EYS: variants seen among roughly 807,000 people sequenced by gnomAD.
EYS encodes EGF-like photoreceptor maintenance factor.
EYS carries 250 observed loss-of-function variants against 282.1 expected under a neutral mutation model. The ratio of observed to expected loss-of-function variants is 0.89; its 90% confidence interval spans 0.80 to 0.98. The LOEUF is 0.98. EYS is among the 50% of genes least tolerant of loss of function. EYS has a pLI of 0.00. For synonymous variants in EYS, 1,355 were observed against 1,282.9 expected (o/e 1.06, Z -1.20); for missense variants, 4,016 against 3,709.0 (o/e 1.08, Z -2.15).
chr6:65,252,530 G>A (rs771237179), intron 12 of EYS, among the ~76,000 whole-genome samples: 5 of 151,874 alleles, frequency 3.3e-5, no homozygotes, highest in East Asian at 1.9e-4. Flanking sequence ...AAGATCCAGC[G>A]TCTCATATTT....
At chr6:64,752,074 C>T (rs371150053) in intron 22 of EYS, among the ~76,000 whole-genome samples, 1 of 151,914 alleles carries the variant, frequency 6.6e-6, no homozygotes, top group Non-Finnish European at 1.5e-5. Flanking sequence ...AAACAACCAA[C>T]CAAACAAACA....
intron 12 of EYS, among the ~76,000 whole-genome samples, chr6:65,208,807 G>A (rs1428288270): frequency 1.1e-5 from 1 of 87,948 alleles, no homozygotes; most frequent in Non-Finnish European, 2.6e-5. Context: ...TATGGTTGGA[G>A]GGGATTGATG....
intron 26 of EYS, among the ~76,000 whole-genome samples, chr6:64,477,842 A>G (rs769356593): frequency 6.6e-6 from 1 of 152,142 alleles, no homozygotes; most frequent in Non-Finnish European, 1.5e-5. Flanking sequence ...GCAATGCAGA[A>G]CATCAAAAAT....
chr6:65,659,640 A>G (rs1399483121), intron 1 of EYS, among the ~76,000 whole-genome samples: 1 of 151,720 alleles, frequency 6.6e-6, no homozygotes, highest in Non-Finnish European at 1.5e-5. Flanking sequence ...GAGATAATAA[A>G]TATCCTTAGA....
chr6:64,783,774 C>G lies in EYS; in HGVS notation c.3443+29604G>C, dbSNP rs865839079. On this transcript the variant is annotated intron_variant, in intron 22 of 42. Transcript: ENST00000503581. ...GAACTTGAAGACTGTCAGCAAATTT[C>G]AAAGGCTTTAATCATCCAAATTTTT... 1.8e-4 allele frequency among the ~76,000 whole-genome samples: 27 copies of G among 152,216 alleles called. 1 individual carries two copies. The highest frequency in any genetic ancestry group is 3.3e-4 in the Admixed American group (5 of 15,296).
chr6:64,448,351 T>C (rs4357115), intron 26 of EYS, among the ~76,000 whole-genome samples: 61,950 of 152,050 alleles, frequency 0.41, 13,559 homozygotes, highest in African/African-American at 0.58. Flanking sequence ...GTAAACAAAG[T>C]GGCCTGGAAG....
At chr6:64,221,072 T>G (rs1231280343) in intron 31 of EYS, among the ~76,000 whole-genome samples, 1 of 152,176 alleles carries the variant, frequency 6.6e-6, no homozygotes, top group South Asian at 2.1e-4. Context: ...ATTCACAGAA[T>G]TGGTGTGTGG....
chr6:63,831,038 G>A (rs964217849), intron 36 of EYS, among the ~76,000 whole-genome samples: 1 of 152,180 alleles, frequency 6.6e-6, no homozygotes, highest in Non-Finnish European at 1.5e-5. Context: ...TCACCACCAG[G>A]CCTGCCTTAC....
At chr6:64,081,480 C>T (rs930950129) in intron 32 of EYS, among the ~76,000 whole-genome samples, 1 of 151,982 alleles carries the variant, frequency 6.6e-6, no homozygotes, top group African/African-American at 2.4e-5. Flanking sequence ...TCAAATGAAC[C>T]CCAGCTTTGG....
chr6:64,333,017 GT>G (rs1185331078), intron 29 of EYS, among the ~76,000 whole-genome samples: 1 of 152,108 alleles, frequency 6.6e-6, no homozygotes, highest in Non-Finnish European at 1.5e-5. Flanking sequence ...TGTCATCACT[GT>G]ATAGTAGAAG....
intron 22 of EYS, among the ~76,000 whole-genome samples, chr6:64,769,018 C>T (rs928778021): frequency 2.0e-5 from 3 of 152,096 alleles, no homozygotes. Context: ...GTTTGCTACA[C>T]TCCAAGCCAA....
At chr6:64,496,803 A>T (rs1365789671) in intron 26 of EYS, among the ~76,000 whole-genome samples, 1 of 151,960 alleles carries the variant, frequency 6.6e-6, no homozygotes, top group Non-Finnish European at 1.5e-5. Flanking sequence ...ATGCCACATG[A>T]TTATTAGTTT....
chr6:64,226,550 C>T (rs1367067516), intron 31 of EYS, among the ~76,000 whole-genome samples: 1 of 152,058 alleles, frequency 6.6e-6, no homozygotes, highest in East Asian at 1.9e-4. Flanking sequence ...TCATTCTGAA[C>T]TTTACAGTAG....
chr6:64,142,965 G>C (rs1259529651), intron 31 of EYS, among the ~76,000 whole-genome samples: 1 of 152,088 alleles, frequency 6.6e-6, no homozygotes, highest in East Asian at 1.9e-4. Flanking sequence ...AAAAAATGTG[G>C]TATATCCAAA....
chr6:65,366,899 T>A (rs1764933727), intron 8 of EYS, among the ~76,000 whole-genome samples: 1 of 151,686 alleles, frequency 6.6e-6, no homozygotes, highest in Non-Finnish European at 1.5e-5. Context: ...CTCCAATCTC[T>A]GCTTTGTTAT....
At chr6:65,112,742 A>G (rs1373426426) in intron 12 of EYS, among the ~76,000 whole-genome samples, 2 of 152,188 alleles carry the variant, frequency 1.3e-5, no homozygotes, top group Admixed American at 6.5e-5. Context: ...TACTAACTTC[A>G]GTGGATATTA....
At chr6:63,959,909 G>A (rs1765982500) in intron 35 of EYS, among the ~76,000 whole-genome samples, 1 of 152,044 alleles carries the variant, frequency 6.6e-6, no homozygotes, top group African/African-American at 2.4e-5. Flanking sequence ...GCTAATGCAT[G>A]TGGGGCTTAA....
At chr6:63,879,662 G>C (rs2149717765) in intron 35 of EYS, among the ~76,000 whole-genome samples, 1 of 152,290 alleles carries the variant, frequency 6.6e-6, no homozygotes, top group Non-Finnish European at 1.5e-5. Flanking sequence ...TCATCCTGGG[G>C]ACAGTTTGGT....
intron 22 of EYS, among the ~76,000 whole-genome samples, chr6:64,797,272 A>G (rs1042123490): frequency 6.6e-6 from 1 of 152,064 alleles, no homozygotes; most frequent in African/African-American, 2.4e-5. Flanking sequence ...GGTAAGGCAG[A>G]AGAATTAAAC....
Sources: gnomAD v4.1 joint callset for allele counts (sites outside exome capture counted in the v4.1 genomes callset) on GRCh38, gnomAD v4.1.1 for gene constraint, MANE v1.5 for transcripts, NCBI Gene and HGNC (gene_info 2026-07-23, HGNC 2026-07-21) for gene names.